PKD2L2: variants seen among roughly 807,000 people sequenced by gnomAD.
The protein encoded by PKD2L2 is polycystin-2-like protein 2.
In PKD2L2, 67 loss-of-function variants were observed where a neutral mutation model predicts 83.9. The observed-to-expected ratio is 0.80, with a 90% CI of 0.66 to 0.98. PKD2L2 has a LOEUF of 0.98. Ranked by LOEUF, PKD2L2 falls within the 50% of genes least tolerant of loss-of-function variation. The probability of loss-of-function intolerance (pLI) is 0.00; values close to 1 mark genes in which losing one functional copy is unlikely to be tolerated. For synonymous variants in PKD2L2, 223 were observed against 237.8 expected (o/e 0.94, Z 0.57); for missense variants, 632 against 717.2 (o/e 0.88, Z 1.36).
In PKD2L2 at chr5:137,921,720, C is replaced by T; in HGVS notation, c.1413C>T (p.Phe471=). The T allele has an allele frequency of 6.2e-7, 1 of 1,607,848 alleles. No individual in the cohort carries two copies. Among genetic ancestry groups the T allele is most frequent in the Non-Finnish European group, 8.5e-7 (1 of 1,175,510 alleles). The change falls in exon 9 of 15, where the codon TTC becomes TTT. Residue 471 remains phenylalanine (F), a synonymous_variant. Transcript: ENST00000508883. ...ATCCTATCTTGGGACCCATTTACTT[C>T]ATCACTTTCATCTTTTTTGTGTTCT... is the stretch of plus-strand genomic sequence containing the variant. The part of the protein sequence containing the change: ...QANPILGPIY[F]ITFIFFVFFV...
chr5:137,921,904 C>A, intron 9 of PKD2L2, 148 bp downstream of exon 9: 1 of 650,338 alleles, frequency 1.5e-6, no homozygotes, highest in Non-Finnish European at 2.6e-6. Context: ...TCCAGGTTCA[C>A]TAGTCCAGTG....
chr5:137,896,769 T>A (rs1230782842), intron 4 of PKD2L2, among the ~76,000 whole-genome samples: 1 of 152,026 alleles, frequency 6.6e-6, no homozygotes, highest in African/African-American at 2.4e-5. Context: ...ATGCTACCCC[T>A]CTACACACAC....
In PKD2L2 at chr5:137,905,540, T is replaced by C. The variant is rs181912157; in HGVS notation, c.747-666T>C. 2.1e-3 allele frequency among the ~76,000 whole-genome samples: 318 copies of C among 152,312 alleles called. 1 individual carries two copies. Among genetic ancestry groups the C allele is most frequent in the African/African-American group, 7.4e-3 (309 of 41,590 alleles). On this transcript the variant is annotated intron_variant, in intron 5 of 14. Coordinates refer to ENST00000508883, the MANE Select transcript of PKD2L2 (RefSeq NM_001300921.2). Reference sequence around the variant, plus strand: ...TTAAATTGTAATATTGTGATAGAAATGCTGGTTCCTCAAATTGCCACCAAT... The same window carrying C: ...TTAAATTGTAATATTGTGATAGAAACGCTGGTTCCTCAAATTGCCACCAAT...
chr5:137,898,422 G>A (rs1756667442), intron 4 of PKD2L2, among the ~76,000 whole-genome samples: 1 of 151,946 alleles, frequency 6.6e-6, no homozygotes, highest in Admixed American at 6.6e-5. Context: ...ACCCATTTCT[G>A]AGCCAAAACT....
intron 3 of PKD2L2, among the ~76,000 whole-genome samples, chr5:137,894,125 C>T (rs1289386521): frequency 6.6e-6 from 1 of 152,146 alleles, no homozygotes; most frequent in Non-Finnish European, 1.5e-5. Flanking sequence ...CTATGGGATT[C>T]CATAAGTTAA....
At chr5:137,894,692 G>A in intron 4 of PKD2L2, 83 bp downstream of exon 4, 3 of 1,067,420 alleles carry the variant, frequency 2.8e-6, no homozygotes, top group Non-Finnish European at 4.1e-6. Context: ...AGTAACACCA[G>A]CTGGGTCCTG....
At chr5:137,910,918 C>A (rs549989317) in intron 8 of PKD2L2, among the ~76,000 whole-genome samples, 1 of 152,040 alleles carries the variant, frequency 6.6e-6, no homozygotes, top group Non-Finnish European at 1.5e-5. Context: ...AGCTATTTGC[C>A]CTGAAGGCAT....
At chr5:137,933,101 T>C (rs952732728) in intron 12 of PKD2L2, among the ~76,000 whole-genome samples, 1 of 149,508 alleles carries the variant, frequency 6.7e-6, no homozygotes, top group Non-Finnish European at 1.5e-5. Flanking sequence ...CTGCAAATAC[T>C]GGCAGAATCT....
At chr5:137,891,091 G>T (rs1188723096) in intron 2 of PKD2L2, among the ~76,000 whole-genome samples, 1 of 152,120 alleles carries the variant, frequency 6.6e-6, no homozygotes, top group Non-Finnish European at 1.5e-5. Flanking sequence ...ATCTCAACCT[G>T]CATTCCTCCT....
At chr5:137,895,024 C>T (rs1161230819) in intron 4 of PKD2L2, among the ~76,000 whole-genome samples, 3 of 152,160 alleles carry the variant, frequency 2.0e-5, no homozygotes, top group Admixed American at 1.3e-4. Context: ...TGGCTTCCTT[C>T]AGTGATTTTT....
intron 12 of PKD2L2, among the ~76,000 whole-genome samples, chr5:137,930,858 GAA>G (rs1226303287): frequency 2.0e-5 from 3 of 151,602 alleles, no homozygotes; most frequent in Non-Finnish European, 1.5e-5. Flanking sequence ...TAAATACCAA[GAA>G]AAAAGTTATT....
At chr5:137,923,398 T>C in intron 9 of PKD2L2, 22 bp from the exon 10 acceptor site, 1 of 1,022,878 alleles carries the variant, frequency 9.8e-7, no homozygotes, top group Non-Finnish European at 1.5e-6. Flanking sequence ...ATTGAAATAA[T>C]TATTTGAATA....
intron 1 of PKD2L2, 128 bp downstream of exon 1, chr5:137,889,650 C>T (rs553752541): frequency 2.7e-6 from 2 of 736,710 alleles, no homozygotes; most frequent in African/African-American, 3.7e-5. Flanking sequence ...CCCTCACAGC[C>T]TCCCCTGGGG....
At position 137,907,728 on chromosome 5, in the gene PKD2L2, A is replaced by T; in HGVS notation, c.976-14A>T. ...GATATTCTCTAATTTAACCCTTCTT[A>T]TTTTCCCATTTAGTTGTGTTTTGTG... On this transcript the variant is annotated splice_polypyrimidine_tract_variant and intron_variant, in intron 6 of 14. Coordinates refer to ENST00000508883, the MANE Select transcript of PKD2L2 (RefSeq NM_001300921.2). 1 of 1,432,302 alleles carries T rather than the reference A, an allele frequency of 7.0e-7. No homozygotes were observed. The highest frequency in any genetic ancestry group is 9.3e-7 in the Non-Finnish European group (1 of 1,073,064). The allele number at this position is 1,432,302 out of a possible 1,614,324, so 88.7% of individuals were successfully genotyped here.
intron 8 of PKD2L2, among the ~76,000 whole-genome samples, chr5:137,920,249 A>G (rs1758770643): frequency 6.6e-6 from 1 of 152,322 alleles, no homozygotes; most frequent in Admixed American, 6.5e-5. Flanking sequence ...ACACACACAC[A>G]TAATTTAAAC....
intron 12 of PKD2L2, among the ~76,000 whole-genome samples, chr5:137,930,530 G>T (rs1371579605): frequency 6.6e-6 from 1 of 151,964 alleles, no homozygotes; most frequent in Admixed American, 6.5e-5. Context: ...AATTAGCCGG[G>T]TGTGGTGGCA....
Position 137,936,416 on chromosome 5 carries a change from A to T in PKD2L2, c.*6A>T. Reference sequence around the variant, plus strand: ...GAAAGGTTTCAGCTCTATAGTATTGAGACAAGTGGAGGTAAGAATCTGTGA... The same window carrying T: ...GAAAGGTTTCAGCTCTATAGTATTGTGACAAGTGGAGGTAAGAATCTGTGA... On this transcript the variant is annotated 3_prime_UTR_variant, in exon 14 of 15. Transcript: ENST00000508883. 1 of 1,534,170 alleles carries T rather than the reference A, an allele frequency of 6.5e-7. No individual in the cohort carries two copies. Among genetic ancestry groups the T allele is most frequent in the Non-Finnish European group, 8.7e-7 (1 of 1,145,516 alleles).
At chr5:137,910,901 C>A (rs765819971) in intron 8 of PKD2L2, among the ~76,000 whole-genome samples, 5 of 152,054 alleles carry the variant, frequency 3.3e-5, no homozygotes, top group Non-Finnish European at 5.9e-5. Flanking sequence ...GTAAGCCCAG[C>A]ACCCAAAGCT....
At chr5:137,909,616 C>T (rs181723062) in intron 8 of PKD2L2, among the ~76,000 whole-genome samples, 1 of 149,172 alleles carries the variant, frequency 6.7e-6, no homozygotes, top group African/African-American at 2.5e-5. Flanking sequence ...GTTATCACAG[C>T]TCATTGCATC....
Sources: allele counts gnomAD v4.1 joint callset (sites outside exome capture counted in the v4.1 genomes callset), GRCh38; gene constraint gnomAD v4.1.1; transcripts MANE v1.5; gene names NCBI Gene and HGNC (gene_info 2026-07-23, HGNC 2026-07-21).